SNTG1: variants seen among roughly 807,000 people sequenced by gnomAD.
SNTG1 encodes syntrophin gamma 1.
In SNTG1, 39 loss-of-function variants were observed where a neutral mutation model predicts 74.7. That is an observed-to-expected ratio of 0.52 (90% CI 0.40 to 0.68). The LOEUF (loss-of-function observed/expected upper bound fraction) is 0.68. SNTG1 is among the 30% of genes least tolerant of loss of function. The pLI is 0.00. For missense variants in SNTG1, 685 were observed against 609.5 expected (o/e 1.12, Z -1.30); for synonymous variants, 254 against 217.1 (o/e 1.17, Z -1.49).
chr8:50,276,414 A>G (rs1486459558), intron 2 of SNTG1, among the ~76,000 whole-genome samples: 2 of 146,566 alleles, frequency 1.4e-5, no homozygotes, highest in African/African-American at 5.2e-5. Flanking sequence ...TATATAAATC[A>G]TATATTAACT....
intron 17 of SNTG1, among the ~76,000 whole-genome samples, chr8:50,721,715 T>C (rs1313829272): frequency 6.6e-6 from 1 of 152,194 alleles, no homozygotes; most frequent in Non-Finnish European, 1.5e-5. Context: ...GATTTCTACT[T>C]CTTAGCTATG....
intron 9 of SNTG1, among the ~76,000 whole-genome samples, chr8:50,513,950 G>A (rs549471506): frequency 1.3e-5 from 2 of 152,146 alleles, no homozygotes; most frequent in Non-Finnish European, 2.9e-5. Context: ...ATTCCCCAAT[G>A]AGATGAACCC....
At chr8:49,912,326 G>T (rs561353727) in intron 1 of SNTG1, 95 bp downstream of exon 1, 1 of 152,166 alleles carries the variant, frequency 6.6e-6, no homozygotes, top group Admixed American at 6.5e-5. Flanking sequence ...TTTTTTCTGG[G>T]GTTAACGAGG....
intron 2 of SNTG1, among the ~76,000 whole-genome samples, chr8:50,319,497 A>G (rs1371451738): frequency 6.6e-6 from 1 of 152,178 alleles, no homozygotes; most frequent in African/African-American, 2.4e-5. Flanking sequence ...CAAATATAAG[A>G]TTACATCCTC....
At chr8:49,912,759 G>A (rs183385591) in intron 1 of SNTG1, among the ~76,000 whole-genome samples, 14 of 152,252 alleles carry the variant, frequency 9.2e-5, no homozygotes, top group Admixed American at 3.3e-4. Context: ...AGGATCTTAC[G>A]TAAGGAGACA....
chr8:50,428,629 C>T (rs73581350), intron 4 of SNTG1, among the ~76,000 whole-genome samples: 4,236 of 152,230 alleles, frequency 0.028, 186 homozygotes, highest in African/African-American at 0.096. Flanking sequence ...ATGTTAATCT[C>T]CTTTTTCACC....
intron 1 of SNTG1, among the ~76,000 whole-genome samples, chr8:50,052,886 T>A (rs925788288): frequency 2.0e-5 from 3 of 152,188 alleles, no homozygotes; most frequent in Non-Finnish European, 4.4e-5. Flanking sequence ...TCCACTAGGA[T>A]GGCCATTGCC....
intron 13 of SNTG1, among the ~76,000 whole-genome samples, chr8:50,623,259 G>A (rs2094935126): frequency 6.6e-6 from 1 of 152,010 alleles, no homozygotes; most frequent in Non-Finnish European, 1.5e-5. Context: ...GATCTGAGAG[G>A]AAAAAATTTC....
chr8:50,058,746 G>T (rs963203210), intron 1 of SNTG1, among the ~76,000 whole-genome samples: 7 of 151,686 alleles, frequency 4.6e-5, no homozygotes, highest in African/African-American at 1.7e-4. Flanking sequence ...GTGTGTGTGT[G>T]TGTGTGTGTG....
chr8:50,695,174 A>G (rs2095399557), intron 15 of SNTG1, among the ~76,000 whole-genome samples: 1 of 151,638 alleles, frequency 6.6e-6, no homozygotes, highest in Non-Finnish European at 1.5e-5. Context: ...ATGATCTTAT[A>G]TGTAAAAAAA....
At chr8:50,566,146 T>C (rs1478906368) in intron 12 of SNTG1, among the ~76,000 whole-genome samples, 1 of 151,922 alleles carries the variant, frequency 6.6e-6, no homozygotes, top group African/African-American at 2.4e-5. Context: ...ATAGAAAAAT[T>C]TTGTTTTGTC....
intron 3 of SNTG1, among the ~76,000 whole-genome samples, 177 bp downstream of exon 3, chr8:50,394,442 A>T (rs2092702457): frequency 6.6e-6 from 1 of 152,228 alleles, no homozygotes; most frequent in African/African-American, 2.4e-5. Context: ...CTAACTGTGC[A>T]TGGAAAGCCT....
chr8:50,272,993 G>A (rs1242465363), intron 2 of SNTG1, among the ~76,000 whole-genome samples: 2 of 151,626 alleles, frequency 1.3e-5, no homozygotes, highest in Non-Finnish European at 2.9e-5. Context: ...GTCCTCCCAT[G>A]TCAGCCACCC....
At chr8:49,944,786 T>C (rs1448344518) in intron 1 of SNTG1, among the ~76,000 whole-genome samples, 1 of 144,734 alleles carries the variant, frequency 6.9e-6, no homozygotes, top group Non-Finnish European at 1.5e-5. Context: ...ATTCATCACC[T>C]GCAAGAAAAA....
intron 13 of SNTG1, among the ~76,000 whole-genome samples, chr8:50,646,034 T>A (rs1159598291): frequency 6.6e-6 from 1 of 152,212 alleles, no homozygotes; most frequent in Non-Finnish European, 1.5e-5. Flanking sequence ...GAATATTTCC[T>A]GTTTTAATCA....
chr8:50,734,339 T>C (rs1232604043), intron 17 of SNTG1, among the ~76,000 whole-genome samples: 1 of 151,764 alleles, frequency 6.6e-6, no homozygotes, highest in Non-Finnish European at 1.5e-5. Flanking sequence ...CAGTATCTTT[T>C]TCATTCTAAT....
chr8:50,235,524 C>T (rs1184223626), intron 2 of SNTG1, among the ~76,000 whole-genome samples: 2 of 151,910 alleles, frequency 1.3e-5, no homozygotes, highest in Non-Finnish European at 2.9e-5. Context: ...AACAGGTTTT[C>T]TAAGAAAAAA....
intron 4 of SNTG1, 88 bp from the exon 5 acceptor site, chr8:50,438,455 C>A: frequency 2.7e-6 from 3 of 1,103,268 alleles, no homozygotes; most frequent in Non-Finnish European, 4.0e-6. Context: ...AAAGCAAAAC[C>A]CAGAAGAAAA....
chr8:50,645,436 A>G (rs912235430), intron 13 of SNTG1, among the ~76,000 whole-genome samples: 2 of 152,050 alleles, frequency 1.3e-5, no homozygotes, highest in Non-Finnish European at 2.9e-5. Flanking sequence ...CAAAATTTAA[A>G]TATCTTATTT....
Sources: allele counts gnomAD v4.1 joint callset (sites outside exome capture counted in the v4.1 genomes callset), GRCh38; gene constraint gnomAD v4.1.1; transcripts MANE v1.5; gene names NCBI Gene and HGNC (gene_info 2026-07-23, HGNC 2026-07-21).